The following SDK1 variants were observed in gnomAD, a reference collection of about 807,000 sequenced individuals.
SDK1 encodes protein sidekick-1.
SDK1 carries 157 observed loss-of-function variants against 245.5 expected under a neutral mutation model. The observed-to-expected ratio is 0.64, with a 90% CI of 0.56 to 0.73. The LOEUF (loss-of-function observed/expected upper bound fraction) is 0.73, where lower values mean the gene tolerates loss of function less well. SDK1 is among the 30% of genes least tolerant of loss of function. The pLI is 0.00. For synonymous variants in SDK1, 1,647 were observed against 1,278.5 expected (o/e 1.29, Z -6.15); for missense variants, 3,583 against 3,002.3 (o/e 1.19, Z -4.52).
intron 33 of SDK1, 30 bp downstream of exon 33, chr7:4,174,387 G>A: frequency 6.2e-7 from 1 of 1,610,696 alleles, no homozygotes; most frequent in Non-Finnish European, 8.5e-7. Flanking sequence ...CCTGGTACAG[G>A]GAGGGAGGTT....
chr7:3,604,743 C>T (rs1419227532), intron 1 of SDK1, among the ~76,000 whole-genome samples: 4 of 151,646 alleles, frequency 2.6e-5, no homozygotes, highest in Non-Finnish European at 5.9e-5. Flanking sequence ...GCTGGGATTA[C>T]AGGCATGTGT....
intron 1 of SDK1, among the ~76,000 whole-genome samples, chr7:3,327,887 G>T (rs988975749): frequency 2.0e-5 from 3 of 152,092 alleles, no homozygotes; most frequent in African/African-American, 7.2e-5. Flanking sequence ...TGGCACAGAG[G>T]GTGTGTATAC....
Position 3,985,695 on chromosome 7 carries a change from CAA to C in SDK1, c.1995-1490_1995-1489del, listed in dbSNP as rs1161105879. 3.3e-5 allele frequency among the ~76,000 whole-genome samples: 5 copies of C among 152,058 alleles called. No homozygotes were observed. In the East Asian group the frequency reaches 9.6e-4, roughly 29 times the overall value. ...ACTTAATTCACAATTAAAGAGAAAA[CAA>C]GACGACATCCTGGGCTCGCATTTAT... On this transcript the variant is annotated intron_variant, in intron 13 of 44. Transcript: ENST00000404826.
chr7:4,220,078 C>G, intron 38 of SDK1, 31 bp from the exon 39 acceptor site: 1 of 1,606,604 alleles, frequency 6.2e-7, no homozygotes. Context: ...AGGCTGAACC[C>G]CCTTGTTTCC....
chr7:3,500,080 GTGGT>G (rs1298714887), intron 1 of SDK1, among the ~76,000 whole-genome samples: 5 of 152,260 alleles, frequency 3.3e-5, no homozygotes, highest in South Asian at 2.1e-4. Flanking sequence ...GGTTAAAAAG[GTGGT>G]TGGGTGGGTG....
At chr7:3,799,162 C>CT (rs1483723474) in intron 4 of SDK1, among the ~76,000 whole-genome samples, 1 of 152,074 alleles carries the variant, frequency 6.6e-6, no homozygotes. Flanking sequence ...CTTTTTATTA[C>CT]TTTTTTGTTT....
At chr7:4,199,101 C>T (rs1783746182) in intron 35 of SDK1, among the ~76,000 whole-genome samples, 1 of 152,186 alleles carries the variant, frequency 6.6e-6, no homozygotes, top group Admixed American at 6.5e-5. Context: ...AGGTGTGAGC[C>T]AGCGTACCCG....
At chr7:3,887,460 C>T (rs926156478) in intron 5 of SDK1, among the ~76,000 whole-genome samples, 1 of 152,042 alleles carries the variant, frequency 6.6e-6, no homozygotes, top group African/African-American at 2.4e-5. Flanking sequence ...AATAATTGAG[C>T]AATCATGATC....
chr7:3,337,231 A>G (rs1354107403), intron 1 of SDK1, among the ~76,000 whole-genome samples: 1 of 152,228 alleles, frequency 6.6e-6, no homozygotes, highest in Non-Finnish European at 1.5e-5. Context: ...ATTAAAAACC[A>G]AAAAGAAATG....
chr7:3,630,821 C>G (rs760777480), intron 2 of SDK1, among the ~76,000 whole-genome samples: 9 of 152,160 alleles, frequency 5.9e-5, no homozygotes, highest in Non-Finnish European at 1.2e-4. Context: ...ATTAACAGAT[C>G]CATTTTTTCC....
chr7:3,425,279 A>T (rs1176614063), intron 1 of SDK1, among the ~76,000 whole-genome samples: 1 of 152,146 alleles, frequency 6.6e-6, no homozygotes, highest in Admixed American at 6.6e-5. Flanking sequence ...TACAGAAGGG[A>T]AATTTATGGC....
intron 14 of SDK1, among the ~76,000 whole-genome samples, chr7:4,000,350 C>T (rs1016933581): frequency 6.6e-6 from 1 of 152,178 alleles, no homozygotes; most frequent in African/African-American, 2.4e-5. Context: ...TGTGCCTCTC[C>T]GCCTCTGCTT....
Position 4,139,413 on chromosome 7 carries a change from A to G in SDK1, c.4229-6309A>G, listed in dbSNP as rs113012155. Among the ~76,000 whole-genome samples the G allele has an allele frequency of 1.6e-4, 23 of 147,542 alleles. 1 individual carries two copies. Among genetic ancestry groups the G allele is most frequent in the African/African-American group, 4.3e-4 (17 of 39,794 alleles). ...TGTGTGTGTATATGTGTGTGTGTAT[A>G]TGTGTGTGTGTGTATGTATATATGT... On this transcript the variant is annotated intron_variant, in intron 28 of 44. Coordinates refer to ENST00000404826, the MANE Select transcript of SDK1 (RefSeq NM_152744.4).
At chr7:4,178,613 C>A (rs748775320) in intron 35 of SDK1, 27 bp downstream of exon 35, 43 of 1,543,072 alleles carry the variant, frequency 2.8e-5, no homozygotes, top group Non-Finnish European at 3.8e-5. Flanking sequence ...CCCAACCCCA[C>A]TGCCAGAGAG....
At chr7:4,106,634 T>A (rs1396550782) in intron 22 of SDK1, among the ~76,000 whole-genome samples, 1 of 152,172 alleles carries the variant, frequency 6.6e-6, no homozygotes, top group Admixed American at 6.5e-5. Context: ...TCCCAGCATC[T>A]CTGCAGAGGG....
intron 17 of SDK1, among the ~76,000 whole-genome samples, chr7:4,033,329 C>T (rs1787971924): frequency 1.3e-5 from 2 of 152,076 alleles, no homozygotes; most frequent in African/African-American, 4.8e-5. Context: ...TCGGAGATAT[C>T]AATATTAAAA....
intron 19 of SDK1, among the ~76,000 whole-genome samples, chr7:4,063,205 A>C (rs568611378): frequency 5.3e-5 from 8 of 152,190 alleles, no homozygotes; most frequent in Admixed American, 1.3e-4. Context: ...AAACAAACCT[A>C]GACTCCACCA....
rs146153560 is a variant in SDK1, at chr7:4,206,695, C to T, written c.5214+701C>T. Among the ~76,000 whole-genome samples, 155 of 152,230 alleles carry T rather than the reference C, an allele frequency of 1.0e-3. 1 individual carries two copies. Among genetic ancestry groups the T allele is most frequent in the African/African-American group, 3.3e-3 (139 of 41,516 alleles). On this transcript the variant is annotated intron_variant, in intron 36 of 44. Coordinates refer to ENST00000404826, the MANE Select transcript of SDK1 (RefSeq NM_152744.4). Reference sequence around the variant, plus strand: ...ACGTCCCATCCCTGAGGCCTGGCCTCCTTAGAGAGTACAGGGCCCATAAGC... The same window carrying T: ...ACGTCCCATCCCTGAGGCCTGGCCTTCTTAGAGAGTACAGGGCCCATAAGC...
chr7:3,391,916 G>T (rs115900831), intron 1 of SDK1, among the ~76,000 whole-genome samples: 1 of 150,888 alleles, frequency 6.6e-6, no homozygotes, highest in Non-Finnish European at 1.5e-5. Context: ...GGTGTCAACC[G>T]CCATGTTTGG....
Sources: allele counts gnomAD v4.1 joint callset (sites outside exome capture counted in the v4.1 genomes callset), GRCh38; gene constraint gnomAD v4.1.1; transcripts MANE v1.5; gene names NCBI Gene and HGNC (gene_info 2026-07-23, HGNC 2026-07-21).